The following PRKD1 variants were observed in gnomAD, a reference collection of about 807,000 sequenced individuals.
PRKD1 encodes serine/threonine-protein kinase D1.
Under a neutral mutation model 95.9 loss-of-function variants are expected in PRKD1, and 63 were observed. The observed-to-expected ratio is 0.66, with a 90% CI of 0.54 to 0.81. The LOEUF is 0.81. PRKD1 is among the 30% of genes least tolerant of loss of function. The pLI is 0.00. For synonymous variants in PRKD1, 425 were observed against 423.1 expected (o/e 1.00, Z -0.05); for missense variants, 1,048 against 1,165.3 (o/e 0.90, Z 1.47).
chr14:29,724,830 T>C (rs1451579797), intron 2 of PRKD1, among the ~76,000 whole-genome samples: 3 of 152,224 alleles, frequency 2.0e-5, no homozygotes, highest in Non-Finnish European at 4.4e-5. Flanking sequence ...TTTGGATACA[T>C]TATCATTGCA....
At chr14:29,596,129 T>C (rs933332510) in intron 16 of PRKD1, among the ~76,000 whole-genome samples, 1 of 152,226 alleles carries the variant, frequency 6.6e-6, no homozygotes, top group African/African-American at 2.4e-5. Context: ...TTGTTGCTAA[T>C]GGTAACTTAA....
rs1894055778 is a variant in PRKD1 at position 29,894,618 on chromosome 14, A to C, written c.264+32631T>G. ...AGACTTGTAGTATAGCAAAACTGACAACGTCTATCTAGGACCATGGGGTTA... is the reference window on the plus strand; with the variant it reads ...AGACTTGTAGTATAGCAAAACTGACCACGTCTATCTAGGACCATGGGGTTA... On this transcript the variant is annotated intron_variant, in intron 1 of 17. Coordinates refer to ENST00000331968, the MANE Select transcript of PRKD1 (RefSeq NM_002742.3). 3.3e-5 allele frequency among the ~76,000 whole-genome samples: 5 copies of C among 152,226 alleles called. No homozygotes were observed. In the South Asian group the frequency reaches 1.0e-3, roughly 31 times the overall value.
At chr14:29,628,793 A>G (rs373560012) in intron 11 of PRKD1, among the ~76,000 whole-genome samples, 65 of 152,316 alleles carry the variant, frequency 4.3e-4, no homozygotes, top group African/African-American at 1.4e-3. Context: ...GTGAGAAATC[A>G]GGCATCACAT....
intron 6 of PRKD1, 198 bp downstream of exon 6, chr14:29,638,290 TG>T: frequency 1.7e-6 from 1 of 584,264 alleles, no homozygotes; most frequent in South Asian, 2.3e-5. Flanking sequence ...GTAAAGATCA[TG>T]AAAGGGTCTT....
intron 1 of PRKD1, among the ~76,000 whole-genome samples, chr14:29,789,180 C>T (rs1889417880): frequency 6.6e-6 from 1 of 152,096 alleles, no homozygotes; most frequent in Admixed American, 6.5e-5. Context: ...GCCACCATGC[C>T]TAGCCTCACT....
At chr14:29,650,131 C>T (rs190066596) in intron 4 of PRKD1, among the ~76,000 whole-genome samples, 11 of 151,998 alleles carry the variant, frequency 7.2e-5, no homozygotes, top group African/African-American at 2.2e-4. Flanking sequence ...GCTGACTTAG[C>T]GAGCCACTCT....
chr14:29,638,395 A>C (rs1880518591), intron 6 of PRKD1, 94 bp downstream of exon 6: 2 of 1,367,968 alleles, frequency 1.5e-6, no homozygotes, highest in Non-Finnish European at 2.1e-6. Flanking sequence ...AAATATCTGA[A>C]CCAAAACCAA....
intron 2 of PRKD1, among the ~76,000 whole-genome samples, chr14:29,705,705 C>T (rs1415755276): frequency 6.6e-6 from 1 of 151,978 alleles, no homozygotes; most frequent in Non-Finnish European, 1.5e-5. Context: ...TGATTCCAGA[C>T]ATTTCATATA....
chr14:29,886,880 G>A (rs550345560), intron 1 of PRKD1, among the ~76,000 whole-genome samples: 276 of 152,260 alleles, frequency 1.8e-3, no homozygotes, highest in African/African-American at 5.9e-3. Context: ...CTTGGTATGT[G>A]AGCCTAACGA....
chr14:29,849,318 C>A (rs1187539505), intron 1 of PRKD1, among the ~76,000 whole-genome samples: 2 of 152,182 alleles, frequency 1.3e-5, no homozygotes, highest in Admixed American at 6.5e-5. Context: ...GAGACCTCCC[C>A]AGCCATGTTC....
intron 1 of PRKD1, among the ~76,000 whole-genome samples, chr14:29,872,997 T>C (rs1893166155): frequency 6.6e-6 from 1 of 152,214 alleles, no homozygotes; most frequent in Non-Finnish European, 1.5e-5. Flanking sequence ...AATTAAATAT[T>C]ATACAATGCA....
In PRKD1 at chr14:29,927,238, C is replaced by T. The variant is rs1434989511; in HGVS notation, c.264+11G>A. On this transcript the variant is annotated intron_variant, in intron 1 of 17. Transcript: ENST00000331968. ...GGGAGGCGCCGGGCTGGCAGCGGTG[C>T]GGCGACTTACCTTCTGGTCGACAAT... 4 of 1,488,946 alleles carry T rather than the reference C, an allele frequency of 2.7e-6. No homozygotes were observed. The highest frequency in any genetic ancestry group is 3.6e-6 in the Non-Finnish European group (4 of 1,119,110). 92.2% of individuals were successfully genotyped at this position (1,488,946 alleles called of 1,614,324 possible).
intron 13 of PRKD1, among the ~76,000 whole-genome samples, chr14:29,614,993 C>T (rs990760124): frequency 4.0e-5 from 6 of 150,648 alleles, no homozygotes; most frequent in Non-Finnish European, 7.4e-5. Flanking sequence ...ATTACAGGCC[C>T]GAGCCACTAT....
chr14:29,693,014 G>T (rs550749935), intron 2 of PRKD1, among the ~76,000 whole-genome samples: 1 of 152,244 alleles, frequency 6.6e-6, no homozygotes, highest in East Asian at 1.9e-4. Flanking sequence ...CGATTGCTCA[G>T]TAATACAATG....
At chr14:29,676,177 G>GGTT (rs1555334424) in intron 2 of PRKD1, among the ~76,000 whole-genome samples, 3 of 104,762 alleles carry the variant, frequency 2.9e-5, no homozygotes, top group African/African-American at 1.3e-4. Context: ...AGTTCATTAC[G>GGTT]TTTTTGTTTT....
intron 1 of PRKD1, among the ~76,000 whole-genome samples, chr14:29,921,688 T>C (rs967701090): frequency 6.6e-6 from 1 of 152,112 alleles, no homozygotes; most frequent in Non-Finnish European, 1.5e-5. Context: ...GAAAATAAAG[T>C]TATAAATCTC....
At chr14:29,793,841 T>C (rs1889684375) in intron 1 of PRKD1, among the ~76,000 whole-genome samples, 1 of 152,208 alleles carries the variant, frequency 6.6e-6, no homozygotes, top group African/African-American at 2.4e-5. Flanking sequence ...TGTACAGGTG[T>C]GTCTTTGCAC....
intron 1 of PRKD1, among the ~76,000 whole-genome samples, chr14:29,752,828 C>G (rs1307614103): frequency 6.6e-6 from 1 of 152,000 alleles, no homozygotes; most frequent in Non-Finnish European, 1.5e-5. Flanking sequence ...ACGAACTTTT[C>G]TGATTTCCTG....
At chr14:29,672,591 A>T (rs1882925564) in intron 2 of PRKD1, among the ~76,000 whole-genome samples, 1 of 152,060 alleles carries the variant, frequency 6.6e-6, no homozygotes, top group Non-Finnish European at 1.5e-5. Flanking sequence ...TGATGGAAGA[A>T]ATCAAATGAA....
Sources: allele counts gnomAD v4.1 joint callset (sites outside exome capture counted in the v4.1 genomes callset), GRCh38; gene constraint gnomAD v4.1.1; transcripts MANE v1.5; gene names NCBI Gene and HGNC (gene_info 2026-07-23, HGNC 2026-07-21).